Variants in IL31RA observed in about 807,000 individuals in gnomAD.
IL31RA encodes the protein interleukin-31 receptor subunit alpha.
IL31RA carries 66 observed loss-of-function variants against 83.7 expected under a neutral mutation model. The observed-to-expected ratio is 0.79, with a 90% CI of 0.65 to 0.97. The LOEUF (loss-of-function observed/expected upper bound fraction) is 0.97. Among genes scored for constraint, IL31RA ranks in the 50% least tolerant of loss-of-function variants. The pLI is 0.00. For synonymous variants in IL31RA, 325 were observed against 329.0 expected (o/e 0.99, Z 0.13); for missense variants, 798 against 919.4 (o/e 0.87, Z 1.71).
the IL31RA span, chr5:55,840,006 C>T: frequency 1.9e-6 from 1 of 516,502 alleles, no homozygotes; most frequent in Admixed American, 2.9e-5. Context: ...CCCCTCGCCA[C>T]CTTTGGTGCC....
chr5:55,886,342 T>C (rs1015939820), intron 5 of IL31RA, among the ~76,000 whole-genome samples: 1 of 148,466 alleles, frequency 6.7e-6, no homozygotes, highest in Admixed American at 6.8e-5. Flanking sequence ...GGCATGATCT[T>C]GGCTCACTGC....
At chr5:55,886,584 C>T (rs1170528717) in intron 5 of IL31RA, among the ~76,000 whole-genome samples, 2 of 152,044 alleles carry the variant, frequency 1.3e-5, no homozygotes, top group Non-Finnish European at 2.9e-5. Flanking sequence ...TTCTCCTTAG[C>T]TTTCAAATAC....
rs901375598 is a variant in IL31RA at position 55,851,417 on chromosome 5, C to T, written c.-154C>T. Reference sequence around the variant, plus strand: ...TCCAGCACTCTGCTTGGGGGGCATTCGAAACAGCAAAATCACTCATAAAAG... The same window carrying T: ...TCCAGCACTCTGCTTGGGGGGCATTTGAAACAGCAAAATCACTCATAAAAG... On this transcript the variant is annotated 5_prime_UTR_variant, in exon 1 of 15. Transcript: ENST00000652347. 52 of 1,394,360 alleles carry T rather than the reference C, an allele frequency of 3.7e-5. No homozygotes were observed. The highest frequency in any genetic ancestry group is 5.9e-5 in the Admixed American group (3 of 50,956). 86.4% of individuals were successfully genotyped at this position (1,394,360 alleles called of 1,614,324 possible).
intron 4 of IL31RA, among the ~76,000 whole-genome samples, chr5:55,880,295 T>C (rs1312940183): frequency 1.3e-5 from 2 of 152,194 alleles, no homozygotes; most frequent in African/African-American, 2.4e-5. Context: ...TTTCTGAATA[T>C]TTTTACCCAG....
At chr5:55,854,556 C>A (rs2112272634) in intron 1 of IL31RA, among the ~76,000 whole-genome samples, 1 of 152,036 alleles carries the variant, frequency 6.6e-6, no homozygotes, top group South Asian at 2.1e-4. Context: ...ACCAGCCTGG[C>A]CAACATGGCG....
Position 55,868,801 on chromosome 5 carries a change from TAAGCCTGAG to T in IL31RA, c.168_176del (p.Lys56_Glu58del). 1 of 1,595,830 alleles carries T rather than the reference TAAGCCTGAG, an allele frequency of 6.3e-7. No homozygotes were observed. Among genetic ancestry groups the T allele is most frequent in the South Asian group, 1.1e-5 (1 of 90,710 alleles). Reference sequence around the variant, plus strand: ...GTTTAATTTATTTAGCTCTGCCAGCTAAGCCTGAGAACATTTCCTGTGTCTACTACTATA... The same window carrying T: ...GTTTAATTTATTTAGCTCTGCCAGCTAACATTTCCTGTGTCTACTACTATA... On this transcript the variant is annotated inframe_deletion, in exon 3 of 15. Coordinates refer to ENST00000652347, the MANE Select transcript of IL31RA (RefSeq NM_139017.7).
chr5:55,910,486 C>T, intron 11 of IL31RA, 46 bp from the exon 12 acceptor site: 6 of 1,612,518 alleles, frequency 3.7e-6, no homozygotes, highest in Non-Finnish European at 5.1e-6. Context: ...ACACAATTTT[C>T]AGTCTGGTTT....
rs1028566980 is a variant in IL31RA, at chr5:55,851,445, A to C, written c.-126A>C. On this transcript the variant is annotated 5_prime_UTR_variant, in exon 1 of 15. Coordinates refer to ENST00000652347, the MANE Select transcript of IL31RA (RefSeq NM_139017.7). ...AACAGCAAAATCACTCATAAAAGGC[A>C]AAAAATTGCAAAAAAAAATAGTAAT... is the stretch of plus-strand genomic sequence containing the variant. 1 of 1,588,674 alleles carries C rather than the reference A, an allele frequency of 6.3e-7. No individual in the cohort carries two copies. Among genetic ancestry groups the C allele is most frequent in the Non-Finnish European group, 8.6e-7 (1 of 1,165,536 alleles).
chr5:55,909,520 AT>A (rs1749363114), intron 11 of IL31RA, among the ~76,000 whole-genome samples: 1 of 152,162 alleles, frequency 6.6e-6, no homozygotes, highest in Non-Finnish European at 1.5e-5. Flanking sequence ...CACACTATAC[AT>A]TTTTTACTAG....
chr5:55,905,376 C>G (rs890111844), intron 8 of IL31RA, among the ~76,000 whole-genome samples: 2 of 152,158 alleles, frequency 1.3e-5, no homozygotes, highest in African/African-American at 4.8e-5. Context: ...CTTGCTGCAC[C>G]TCCAAGAGTT....
chr5:55,867,077 A>ATGTGTGTTTGTGTG lies in IL31RA; in HGVS notation c.155-1693_155-1680dup, dbSNP rs1259221490. On this transcript the variant is annotated intron_variant, in intron 2 of 14. Transcript: ENST00000652347. The stretch of plus-strand genomic sequence containing the variant: ...AATTGCTCTTAGTTCTTAGTTGTGC[A>ATGTGTGTTTGTGTG]TGTGTGTTTGTGTGTGTGTGTTTGT... Among the ~76,000 whole-genome samples the ATGTGTGTTTGTGTG allele has an allele frequency of 7.3e-5, 9 of 124,042 alleles. 2 individuals carry two copies. The highest frequency in any genetic ancestry group is 2.5e-4 in the African/African-American group (9 of 35,616). 81.4% of individuals were successfully genotyped at this position (124,042 alleles called of 152,430 possible). A position where few individuals can be genotyped will look rare whatever the true frequency, so the allele number is the denominator to read the frequency against.
chr5:55,899,471 A>T (rs894842636), intron 7 of IL31RA, among the ~76,000 whole-genome samples: 2 of 152,078 alleles, frequency 1.3e-5, no homozygotes, highest in African/African-American at 2.4e-5. Flanking sequence ...TCAGAGGGAG[A>T]GGCATGGAAA....
rs1456193577 is a variant in IL31RA at position 55,906,295 on chromosome 5, A to C, written c.1252+7A>C. On this transcript the variant is annotated splice_region_variant and intron_variant, in intron 9 of 14. Transcript: ENST00000652347. ...AACTGGACGATCCAGCAAGGTAGCC[A>C]GGGCGGAACTCACAGGTTCCCTCAG... 1.2e-6 allele frequency: 2 copies of C among 1,613,604 alleles called. No homozygotes were observed. Among genetic ancestry groups the C allele is most frequent in the East Asian group, 4.5e-5 (2 of 44,904 alleles).
intron 4 of IL31RA, among the ~76,000 whole-genome samples, chr5:55,880,384 C>A (rs899641143): frequency 6.6e-6 from 1 of 152,092 alleles, no homozygotes; most frequent in Non-Finnish European, 1.5e-5. Flanking sequence ...ACCCCATTCT[C>A]CATGATGTGA....
At chr5:55,879,414 C>A (rs1342337440) in intron 4 of IL31RA, among the ~76,000 whole-genome samples, 1 of 89,350 alleles carries the variant, frequency 1.1e-5, no homozygotes. Context: ...TTAGTTCAGC[C>A]AGTTTCTGTC....
chr5:55,880,216 A>G (rs1179155224), intron 4 of IL31RA, among the ~76,000 whole-genome samples: 2 of 152,236 alleles, frequency 1.3e-5, no homozygotes, highest in African/African-American at 4.8e-5. Flanking sequence ...ACTAGTGGCC[A>G]CACGGATTGA....
intron 6 of IL31RA, among the ~76,000 whole-genome samples, chr5:55,895,337 T>C (rs1446891920): frequency 2.0e-5 from 3 of 152,242 alleles, no homozygotes; most frequent in African/African-American, 4.8e-5. Context: ...CATTTTGATA[T>C]TTCAGGTGCA....
chr5:55,888,159 A>AGATT (rs1379289858), intron 5 of IL31RA, among the ~76,000 whole-genome samples: 1 of 152,250 alleles, frequency 6.6e-6, no homozygotes, highest in East Asian at 1.9e-4. Context: ...CACAAAGCAT[A>AGATT]GATTGTTAAC....
chr5:55,900,589 G>A (rs1748752975), intron 8 of IL31RA, among the ~76,000 whole-genome samples: 2 of 151,992 alleles, frequency 1.3e-5, no homozygotes, highest in Non-Finnish European at 1.5e-5. Flanking sequence ...CCTTCCATTT[G>A]TCACTATGGA....
Sources: gnomAD v4.1 joint callset for allele counts (sites outside exome capture counted in the v4.1 genomes callset) on GRCh38, gnomAD v4.1.1 for gene constraint, MANE v1.5 for transcripts, NCBI Gene and HGNC (gene_info 2026-07-23, HGNC 2026-07-21) for gene names.